The following COL4A4 variants were observed in gnomAD, a reference collection of about 807,000 sequenced individuals.
COL4A4 encodes collagen alpha-4(IV) chain.
COL4A4 carries 105 observed loss-of-function variants against 192.9 expected under a neutral mutation model. That is an observed-to-expected ratio of 0.54 (90% confidence interval 0.46 to 0.64). COL4A4 has a LOEUF of 0.64. COL4A4 is among the 30% of genes least tolerant of loss of function. The pLI is 0.00. For synonymous variants in COL4A4, 762 were observed against 769.9 expected (o/e 0.99, Z 0.17); for missense variants, 1,967 against 2,169.3 (o/e 0.91, Z 1.85).
chr2:227,056,259 A>T, intron 29 of COL4A4, 144 bp from the exon 30 acceptor site: 3 of 724,992 alleles, frequency 4.1e-6, no homozygotes, highest in South Asian at 3.1e-5. Flanking sequence ...GCAACTTTCC[A>T]TCAATCTAAG....
At position 227,004,648 on chromosome 2, in the gene COL4A4, A is replaced by C. The variant is rs892742003; in HGVS notation, c.*2677T>G. The C allele has an allele frequency of 2.6e-5, 4 of 152,280 alleles. No individual in the cohort carries two copies. The highest frequency in any genetic ancestry group is 5.9e-5 in the Non-Finnish European group (4 of 68,090). The allele number at this position is 152,280 out of a possible 1,614,324, so 9.4% of individuals were successfully genotyped here. On this transcript the variant is annotated 3_prime_UTR_variant, in exon 48 of 48. Transcript: ENST00000396625. ...GCACGGGGCTAAAGAGGAGGTAGCC[A>C]TCCAAAGCAGCGATGACTCAGCTTT... is the stretch of plus-strand genomic sequence containing the variant.
chr2:227,151,656 T>C (rs2063955423), intron 1 of COL4A4, among the ~76,000 whole-genome samples: 2 of 152,192 alleles, frequency 1.3e-5, no homozygotes, highest in South Asian at 4.1e-4. Context: ...AATTCGTAGG[T>C]TGCAACTTAA....
At chr2:227,042,108 G>T (rs1971593879) in intron 37 of COL4A4, 40 bp downstream of exon 37, 3 of 1,271,246 alleles carry the variant, frequency 2.4e-6, no homozygotes, top group Non-Finnish European at 3.5e-6. Flanking sequence ...CCCTCATTGG[G>T]CTGCATCTTT....
intron 33 of COL4A4, 149 bp downstream of exon 33, chr2:227,050,828 G>A: frequency 1.1e-6 from 1 of 893,308 alleles, no homozygotes; most frequent in South Asian, 1.5e-5. Flanking sequence ...CTTCTAGAAG[G>A]CTCTATTTTC....
intron 37 of COL4A4, among the ~76,000 whole-genome samples, chr2:227,035,628 T>C (rs1250702890): frequency 6.6e-6 from 1 of 152,200 alleles, no homozygotes; most frequent in Non-Finnish European, 1.5e-5. Flanking sequence ...TCCAATCCTC[T>C]TTCCTATTTT....
At chr2:227,096,417 T>C (rs1231927856) in intron 19 of COL4A4, among the ~76,000 whole-genome samples, 1 of 152,196 alleles carries the variant, frequency 6.6e-6, no homozygotes, top group Admixed American at 6.5e-5. Context: ...ACCCTGTCAG[T>C]AATCAGTAAT....
intron 37 of COL4A4, among the ~76,000 whole-genome samples, chr2:227,038,460 GT>G (rs1970134212): frequency 2.0e-5 from 3 of 152,162 alleles, no homozygotes; most frequent in African/African-American, 7.2e-5. Context: ...TGCTGTTATG[GT>G]TACTGTAGCC....
At chr2:227,016,062 C>T (rs1964790444) in intron 44 of COL4A4, among the ~76,000 whole-genome samples, 1 of 152,028 alleles carries the variant, frequency 6.6e-6, no homozygotes, top group Non-Finnish European at 1.5e-5. Flanking sequence ...TGGTTCTGCA[C>T]CGCCCCACCC....
chr2:226,995,379 A>T, the COL4A4 span: 1 of 1,155,342 alleles, frequency 8.7e-7, no homozygotes, highest in Non-Finnish European at 1.3e-6. Context: ...TAGGGTACAC[A>T]TGCCTTGTCA....
chr2:227,082,621 A>G lies in COL4A4; in HGVS notation c.1624-434T>C, dbSNP rs1236626293. ...TTTTTGTAATTATCATGGGCTTTGT[A>G]ATGTGAAATGGAGAGGAAAGAAGAG... On this transcript the variant is annotated intron_variant, in intron 22 of 47. Coordinates refer to ENST00000396625, the MANE Select transcript of COL4A4 (RefSeq NM_000092.5). Among the ~76,000 whole-genome samples, 3 of 152,302 alleles carry G rather than the reference A, an allele frequency of 2.0e-5. No individual in the cohort carries two copies. The East Asian group carries it at 5.8e-4, about 29-fold the overall frequency.
At chr2:227,139,645 G>C (rs1408630275) in intron 4 of COL4A4, among the ~76,000 whole-genome samples, 1 of 152,210 alleles carries the variant, frequency 6.6e-6, no homozygotes, top group Non-Finnish European at 1.5e-5. Context: ...CTTACGAGAA[G>C]TCAATGAGCA....
At chr2:227,031,813 T>C in intron 40 of COL4A4, 132 bp downstream of exon 40, 1 of 745,142 alleles carries the variant, frequency 1.3e-6, no homozygotes. Flanking sequence ...GTGTCCCACT[T>C]ATCGACCTGC....
rs953177417 is a variant in COL4A4 at position 227,074,413 on chromosome 2, T to C, written c.1987+3481A>G. ...AGACAAAAAACAATAGATATTGGCA[T>C]GGATGTGGAGAAAAGGGAACACTTA... is the stretch of plus-strand genomic sequence containing the variant. On this transcript the variant is annotated intron_variant, in intron 25 of 47. Transcript: ENST00000396625. Among the ~76,000 whole-genome samples the C allele has an allele frequency of 2.6e-5, 4 of 152,046 alleles. No individual in the cohort carries two copies. In the South Asian group the frequency reaches 8.3e-4, roughly 31 times the overall value.
chr2:226,993,171 C>G, the COL4A4 span, among the ~76,000 whole-genome samples: 1 of 152,162 alleles, frequency 6.6e-6, no homozygotes, highest in Non-Finnish European at 1.5e-5. Flanking sequence ...CCAGGCAGTT[C>G]CCTTCATGGA....
intron 24 of COL4A4, among the ~76,000 whole-genome samples, chr2:227,080,183 C>T (rs1322429726): frequency 5.3e-5 from 8 of 152,140 alleles, no homozygotes; most frequent in Non-Finnish European, 1.5e-5. Flanking sequence ...AGAAAATGAA[C>T]ACCACGAGAA....
intron 3 of COL4A4, among the ~76,000 whole-genome samples, chr2:227,142,683 G>C (rs941293365): frequency 1.3e-5 from 2 of 151,634 alleles, no homozygotes; most frequent in African/African-American, 4.9e-5. Flanking sequence ...CTTGAACTGG[G>C]AGGCAGAGGT....
chr2:227,152,700 T>C (rs1384113595), intron 1 of COL4A4, among the ~76,000 whole-genome samples: 5 of 152,190 alleles, frequency 3.3e-5, no homozygotes. Context: ...AGGGTTTTCT[T>C]TGTTGCAACC....
rs1009318558 is a variant in COL4A4 at position 227,123,512 on chromosome 2, C to T, written c.193-2364G>A. Reference sequence around the variant, plus strand: ...GAAGTGAAGGCAGCCAAGAAAGGGGCAGTTTCAGGTCAGTTATACTGTGGG... The same window carrying T: ...GAAGTGAAGGCAGCCAAGAAAGGGGTAGTTTCAGGTCAGTTATACTGTGGG... On this transcript the variant is annotated intron_variant, in intron 4 of 47. Transcript: ENST00000396625. The surrounding 1 kb of genome is among the most constrained non-coding windows in gnomAD (Gnocchi z 4.6). Among the ~76,000 whole-genome samples, 3 of 152,172 alleles carry T rather than the reference C, an allele frequency of 2.0e-5. No homozygotes were observed. Among genetic ancestry groups the T allele is most frequent in the Admixed American group, 1.3e-4 (2 of 15,280 alleles).
At chr2:227,010,263 C>G in intron 46 of COL4A4, 50 bp downstream of exon 46, 11 of 1,591,792 alleles carry the variant, frequency 6.9e-6, no homozygotes, top group Non-Finnish European at 8.6e-6. Context: ...TAAAATTAAC[C>G]CCAAATTTTA....
Sources: allele counts gnomAD v4.1 joint callset (sites outside exome capture counted in the v4.1 genomes callset), GRCh38; gene constraint gnomAD v4.1.1; non-coding constraint Gnocchi (gnomAD v3.1); transcripts MANE v1.5; gene names NCBI Gene and HGNC (gene_info 2026-07-23, HGNC 2026-07-21).